The following TRHDE variants were observed in gnomAD, a reference collection of about 807,000 sequenced individuals.
The protein encoded by TRHDE is thyrotropin releasing hormone degrading enzyme, also known as thyrotropin-releasing hormone-degrading ectoenzyme.
A neutral mutation model predicts 125.7 loss-of-function variants in TRHDE; 72 were observed. The ratio of observed to expected loss-of-function variants is 0.57; its 90% CI spans 0.47 to 0.70. TRHDE has a LOEUF of 0.70. TRHDE is among the 30% of genes least tolerant of loss of function. TRHDE has a pLI of 0.00. For missense variants in TRHDE, 1,110 were observed against 1,327.1 expected (o/e 0.84, Z 2.54); for synonymous variants, 509 against 509.1 (o/e 1.00, Z 0.00).
intron 4 of TRHDE, among the ~76,000 whole-genome samples, chr12:72,470,125 T>G (rs1876571685): frequency 1.3e-5 from 2 of 152,238 alleles, no homozygotes; most frequent in South Asian, 4.1e-4. Context: ...GCAACTGTCA[T>G]TCCATTTAGT....
intron 3 of TRHDE, among the ~76,000 whole-genome samples, chr12:72,453,018 AGT>A (rs1441572236): frequency 6.6e-6 from 1 of 152,214 alleles, no homozygotes; most frequent in Non-Finnish European, 1.5e-5. Context: ...GGTACTAAGC[AGT>A]GGGGCATTGC....
chr12:72,355,901 A>G (rs1177016327), intron 2 of TRHDE, among the ~76,000 whole-genome samples: 1 of 151,842 alleles, frequency 6.6e-6, no homozygotes, highest in Admixed American at 6.6e-5. Context: ...TCAGAAAATA[A>G]CAGATGCTGG....
chr12:72,316,765 A>C (rs1868822945), intron 2 of TRHDE, among the ~76,000 whole-genome samples: 1 of 152,336 alleles, frequency 6.6e-6, no homozygotes, highest in East Asian at 1.9e-4. Context: ...TTAAAAAATA[A>C]GAGTGCATTG....
At position 72,473,143 on chromosome 12, in the gene TRHDE, T is replaced by G. The variant is rs1876727492; in HGVS notation, c.1547T>G (p.Phe516Cys). 6.2e-7 allele frequency: 1 copy of G among 1,613,856 alleles called. No individual in the cohort carries two copies. The highest frequency in any genetic ancestry group is 8.5e-7 in the Non-Finnish European group (1 of 1,179,888). The change falls in exon 5 of 19, where the codon TTT becomes TGT. Residue 516 changes from phenylalanine to cysteine, a missense_variant. By Grantham distance (205) the Phe-to-Cys change is radical (BLOSUM62 -2). This residue lies in a region of TRHDE where 11 missense variants were observed against 37.5 expected (regional missense o/e 0.29). Coordinates refer to ENST00000261180, the MANE Select transcript of TRHDE (RefSeq NM_013381.3). ...LKEGFAHYFE[F>C]VGTDYLYPGW... Reference sequence around the variant, plus strand: ...GAAGGGTTTGCTCACTACTTTGAATTTGTTGGTACAGACTACCTCTATCCT... The same window carrying G: ...GAAGGGTTTGCTCACTACTTTGAATGTGTTGGTACAGACTACCTCTATCCT...
chr12:72,649,384 C>G (rs1020602321), intron 15 of TRHDE, among the ~76,000 whole-genome samples: 1 of 151,608 alleles, frequency 6.6e-6, no homozygotes, highest in Non-Finnish European at 1.5e-5. Context: ...TTTTATATAC[C>G]GTACACAAAA....
intron 5 of TRHDE, among the ~76,000 whole-genome samples, chr12:72,478,256 TC>T (rs1876989898): frequency 2.6e-5 from 4 of 152,182 alleles, no homozygotes; most frequent in Non-Finnish European, 2.9e-5. Context: ...GTCTTTTTGA[TC>T]CTGTTCAGTT....
chr12:72,515,960 G>A (rs199767406), intron 6 of TRHDE, among the ~76,000 whole-genome samples: 11,093 of 97,500 alleles, frequency 0.11, 1,481 homozygotes, highest in African/African-American at 0.29. Flanking sequence ...GTAGATATGT[G>A]GCGCTATTTC....
At chr12:72,647,410 A>G (rs1237245160) in intron 15 of TRHDE, among the ~76,000 whole-genome samples, 2 of 152,060 alleles carry the variant, frequency 1.3e-5, no homozygotes, top group Non-Finnish European at 2.9e-5. Flanking sequence ...GGAGATAGAA[A>G]AAGAAGAACA....
chr12:72,549,785 A>T (rs940955256), intron 7 of TRHDE, among the ~76,000 whole-genome samples: 8 of 151,768 alleles, frequency 5.3e-5, no homozygotes, highest in Non-Finnish European at 7.4e-5. Flanking sequence ...CAAATACTTT[A>T]AAAAAAGTAA....
In TRHDE at chr12:72,668,377, G is replaced by A. The variant is rs1207425374; in HGVS notation, c.*5182G>A. On this transcript the variant is annotated 3_prime_UTR_variant, in exon 19 of 19. Transcript: ENST00000261180. ...TTGCATGCATTTTGTTTTTTAAATA[G>A]GTTTTTCACCACTGGCCCCACTAGT... 1 of 151,458 alleles carries A rather than the reference G, an allele frequency of 6.6e-6. No homozygotes were observed. The highest frequency in any genetic ancestry group is 1.5e-5 in the Non-Finnish European group (1 of 67,690). The allele number at this position is 151,458 out of a possible 1,614,324, so 9.4% of individuals were successfully genotyped here.
At chr12:72,619,618 T>C (rs1872961804) in intron 13 of TRHDE, among the ~76,000 whole-genome samples, 1 of 152,152 alleles carries the variant, frequency 6.6e-6, no homozygotes, top group Admixed American at 6.6e-5. Context: ...ACTCAAAACC[T>C]AGTAAACCAA....
intron 2 of TRHDE, among the ~76,000 whole-genome samples, chr12:72,374,295 GTGTGTGTGTGTGTGT>G (rs1565717986): frequency 1.6e-5 from 1 of 63,248 alleles, no homozygotes; most frequent in African/African-American, 5.1e-5. Flanking sequence ...AAGGAGAAGT[GTGTGTGTGTGTGTGT>G]GTGTGTGTGT....
At chr12:72,606,501 C>T (rs1347195) in intron 12 of TRHDE, among the ~76,000 whole-genome samples, 3 of 152,122 alleles carry the variant, frequency 2.0e-5, no homozygotes, top group African/African-American at 7.2e-5. Flanking sequence ...CATTTCTTGT[C>T]TTTTAACTCA....
chr12:72,319,760 G>A (rs1868989924), intron 2 of TRHDE, among the ~76,000 whole-genome samples: 1 of 152,078 alleles, frequency 6.6e-6, no homozygotes, highest in Non-Finnish European at 1.5e-5. Context: ...TTTATTCATT[G>A]TTTTGATATT....
chr12:72,647,075 T>C (rs1356322961), intron 15 of TRHDE, among the ~76,000 whole-genome samples: 2 of 151,978 alleles, frequency 1.3e-5, no homozygotes, highest in African/African-American at 4.8e-5. Context: ...TGTTAGGTCA[T>C]AAAACAAGTC....
At chr12:72,150,048 C>A (rs192354697) in intron 2 of TRHDE, among the ~76,000 whole-genome samples, 32 of 152,176 alleles carry the variant, frequency 2.1e-4, no homozygotes, top group Non-Finnish European at 2.6e-4. Flanking sequence ...TTCTATGTGC[C>A]AGACATTATT....
At chr12:72,593,002 C>T (rs559188117) in intron 12 of TRHDE, among the ~76,000 whole-genome samples, 21 of 152,254 alleles carry the variant, frequency 1.4e-4, no homozygotes, top group Admixed American at 2.6e-4. Context: ...CGTGAGCCAC[C>T]GCGCCCCGCT....
At chr12:72,569,740 G>A (rs937751037) in intron 10 of TRHDE, among the ~76,000 whole-genome samples, 3 of 152,020 alleles carry the variant, frequency 2.0e-5, no homozygotes, top group Admixed American at 6.6e-5. Context: ...ATTTATATAC[G>A]CTGTATATGA....
At chr12:72,521,019 G>C (rs1879169693) in intron 6 of TRHDE, among the ~76,000 whole-genome samples, 1 of 152,176 alleles carries the variant, frequency 6.6e-6, no homozygotes, top group South Asian at 2.1e-4. Flanking sequence ...AATAGCTCGT[G>C]AGTAGCAGAA....
Sources: allele counts gnomAD v4.1 joint callset (sites outside exome capture counted in the v4.1 genomes callset), GRCh38; gene constraint gnomAD v4.1.1; regional missense constraint gnomAD v4.1.1; transcripts MANE v1.5; gene names NCBI Gene and HGNC (gene_info 2026-07-23, HGNC 2026-07-21).